TFCP2: variants seen among roughly 807,000 people sequenced by gnomAD.
The protein encoded by TFCP2 is alpha-globin transcription factor CP2.
A neutral mutation model predicts 73.4 loss-of-function variants in TFCP2; 33 were observed. That is an observed-to-expected ratio of 0.45 (90% CI 0.34 to 0.60). TFCP2 has a LOEUF of 0.60. Among genes scored for constraint, TFCP2 ranks in the 20% least tolerant of loss-of-function variants. The pLI is 0.01. For missense variants in TFCP2, 352 were observed against 604.0 expected (o/e 0.58, Z 4.37); for synonymous variants, 193 against 211.6 (o/e 0.91, Z 0.76).
intron 1 of TFCP2, among the ~76,000 whole-genome samples, chr12:51,142,031 C>T (rs1367788563): frequency 4.6e-5 from 7 of 151,388 alleles, no homozygotes; most frequent in Middle Eastern, 3.4e-3. Context: ...GGTGAAACCC[C>T]GTCTCTACTA....
intron 1 of TFCP2, among the ~76,000 whole-genome samples, chr12:51,167,610 C>G (rs112538555): frequency 0.027 from 4,162 of 152,126 alleles, 173 homozygotes; most frequent in African/African-American, 0.092. Flanking sequence ...CCAGGCTGGT[C>G]TTGAACTCCT....
At position 51,106,623 on chromosome 12, in the gene TFCP2, A is replaced by G; in HGVS notation, c.829-10T>C. On this transcript the variant is annotated splice_polypyrimidine_tract_variant and intron_variant, in intron 7 of 14. Coordinates refer to ENST00000257915, the MANE Select transcript of TFCP2 (RefSeq NM_005653.5). Reference sequence around the variant, plus strand: ...CGGGCCATGGAGAACACTAAAAACAAAGGATAAGTTAGATAATGAACGAGC... The same window carrying G: ...CGGGCCATGGAGAACACTAAAAACAGAGGATAAGTTAGATAATGAACGAGC... 1 of 1,610,882 alleles carries G rather than the reference A, an allele frequency of 6.2e-7. No homozygotes were observed. The highest frequency in any genetic ancestry group is 8.5e-7 in the Non-Finnish European group (1 of 1,177,776).
intron 1 of TFCP2, among the ~76,000 whole-genome samples, chr12:51,126,084 T>C (rs2136995770): frequency 6.6e-6 from 1 of 151,360 alleles, no homozygotes; most frequent in East Asian, 1.9e-4. Flanking sequence ...ACAACAAAAA[T>C]TAGCCGGGCG....
intron 1 of TFCP2, among the ~76,000 whole-genome samples, chr12:51,141,228 G>C (rs575305424): frequency 6.6e-6 from 1 of 151,136 alleles, no homozygotes; most frequent in Admixed American, 6.6e-5. Context: ...AGGGGGAAGT[G>C]GGGGAAGAAC....
At position 51,137,970 on chromosome 12, in the gene TFCP2, T is replaced by A. The variant is rs542597357; in HGVS notation, c.123-19198A>T. ...TTCCATCTTCACTGGCAAGCATCAC[T>A]ATTACCTCTCTATACTTGAGAGTTC... is the stretch of plus-strand genomic sequence containing the variant. On this transcript the variant is annotated intron_variant, in intron 1 of 14. Coordinates refer to ENST00000257915, the MANE Select transcript of TFCP2 (RefSeq NM_005653.5). Among the ~76,000 whole-genome samples the A allele has an allele frequency of 8.3e-4, 126 of 152,188 alleles. 1 individual carries two copies. Among genetic ancestry groups the A allele is most frequent in the Non-Finnish European group, 1.4e-3 (95 of 68,030 alleles).
chr12:51,145,436 C>T (rs1231740507), intron 1 of TFCP2, among the ~76,000 whole-genome samples: 11 of 147,522 alleles, frequency 7.5e-5, no homozygotes, highest in Non-Finnish European at 1.3e-4. Context: ...TGTGGTGGTA[C>T]ACACCTGTAA....
intron 1 of TFCP2, among the ~76,000 whole-genome samples, chr12:51,121,250 G>A (rs1190085166): frequency 5.3e-5 from 8 of 151,734 alleles, no homozygotes; most frequent in Admixed American, 2.0e-4. Flanking sequence ...GTAAAACCCC[G>A]TCTCCACTAA....
chr12:51,159,319 CTTTCT>C (rs1941603132), intron 1 of TFCP2, among the ~76,000 whole-genome samples: 2 of 151,310 alleles, frequency 1.3e-5, no homozygotes, highest in South Asian at 4.2e-4. Context: ...ACCAGCAATT[CTTTCT>C]TTTATTTTTA....
intron 1 of TFCP2, among the ~76,000 whole-genome samples, chr12:51,136,081 C>A (rs373504050): frequency 2.4e-4 from 37 of 151,794 alleles, no homozygotes; most frequent in African/African-American, 8.9e-4. Flanking sequence ...CTGAGGTGGG[C>A]GGATCATGTG....
intron 1 of TFCP2, among the ~76,000 whole-genome samples, chr12:51,150,121 AAAGTAGTGAAGTAT>A (rs1324216616): frequency 3.3e-5 from 5 of 152,162 alleles, no homozygotes; most frequent in Admixed American, 2.0e-4. Flanking sequence ...CATCTTTTAA[AAAGTAGTGAAGTAT>A]GGCTGAGTGC....
intron 1 of TFCP2, among the ~76,000 whole-genome samples, chr12:51,135,394 T>G (rs1334600988): frequency 6.6e-6 from 1 of 151,782 alleles, no homozygotes; most frequent in Admixed American, 6.6e-5. Context: ...GCCACTGCAC[T>G]CCAGCCTGGG....
intron 1 of TFCP2, among the ~76,000 whole-genome samples, chr12:51,155,305 C>T (rs1008573432): frequency 2.6e-5 from 4 of 152,172 alleles, no homozygotes; most frequent in Admixed American, 6.5e-5. Context: ...TGCAGATGGC[C>T]TATCACAGCC....
chr12:51,149,024 CAAA>C (rs60318954), intron 1 of TFCP2, among the ~76,000 whole-genome samples: 7 of 38,020 alleles, frequency 1.8e-4, no homozygotes, highest in East Asian at 1.6e-3. Context: ...GACTCCATCT[CAAA>C]AAAAAAAAAA....
intron 1 of TFCP2, among the ~76,000 whole-genome samples, chr12:51,138,741 C>T (rs939018141): frequency 1.3e-5 from 2 of 152,050 alleles, no homozygotes; most frequent in African/African-American, 4.8e-5. Flanking sequence ...CGGGTCCAAG[C>T]GATTCTCCTG....
chr12:51,160,062 T>G (rs1055247130), intron 1 of TFCP2, among the ~76,000 whole-genome samples: 2 of 151,930 alleles, frequency 1.3e-5, no homozygotes, highest in African/African-American at 4.8e-5. Flanking sequence ...CCAAAGCAAC[T>G]GTTATCTTGG....
intron 1 of TFCP2, among the ~76,000 whole-genome samples, chr12:51,137,165 C>T (rs1185759458): frequency 2.6e-5 from 4 of 152,106 alleles, no homozygotes; most frequent in East Asian, 3.9e-4. Context: ...AGATCACTTG[C>T]GAGATACCAG....
intron 1 of TFCP2, among the ~76,000 whole-genome samples, chr12:51,130,223 G>A (rs1183616909): frequency 6.6e-6 from 1 of 152,218 alleles, no homozygotes; most frequent in Non-Finnish European, 1.5e-5. Context: ...TATAATCCCA[G>A]CACTTTGGGA....
intron 1 of TFCP2, among the ~76,000 whole-genome samples, chr12:51,123,187 T>C (rs886793194): frequency 6.6e-6 from 1 of 152,184 alleles, no homozygotes; most frequent in Non-Finnish European, 1.5e-5. Flanking sequence ...CCCCTAAAAT[T>C]AACTCAAAAC....
chr12:51,107,395 C>T, intron 6 of TFCP2, 49 bp from the exon 7 acceptor site: 1 of 1,496,626 alleles, frequency 6.7e-7, no homozygotes, highest in Non-Finnish European at 9.2e-7. Context: ...ACCTTTTAAC[C>T]CAAAATATTG....
Sources: allele counts gnomAD v4.1 joint callset (sites outside exome capture counted in the v4.1 genomes callset), GRCh38; gene constraint gnomAD v4.1.1; transcripts MANE v1.5; gene names NCBI Gene and HGNC (gene_info 2026-07-23, HGNC 2026-07-21).